PTPRT: variants seen among roughly 807,000 people sequenced by gnomAD.
The protein encoded by PTPRT is protein tyrosine phosphatase receptor type T, also known as receptor-type tyrosine-protein phosphatase T.
In PTPRT, 56 loss-of-function variants were observed where a neutral mutation model predicts 176.8. The ratio of observed to expected loss-of-function variants is 0.32; its 90% CI spans 0.26 to 0.40. PTPRT has a LOEUF of 0.40. PTPRT is among the 10% of genes least tolerant of loss of function. The probability of loss-of-function intolerance (pLI) is 1.00; values close to 1 mark genes in which losing one functional copy is unlikely to be tolerated. For synonymous variants in PTPRT, 783 were observed against 739.0 expected (o/e 1.06, Z -0.96); for missense variants, 1,540 against 1,908.2 (o/e 0.81, Z 3.60).
At chr20:42,748,786 G>A (rs2076727072) in intron 6 of PTPRT, among the ~76,000 whole-genome samples, 1 of 151,980 alleles carries the variant, frequency 6.6e-6, no homozygotes, top group Non-Finnish European at 1.5e-5. Context: ...CTCAACCAAT[G>A]ACTGGAGGGG....
Position 42,690,090 on chromosome 20 carries a change from C to G in PTPRT, c.860-11931G>C, listed in dbSNP as rs533180706. ...AAGGAAAAGGAGAGTCTAACAGGCACAAGGGTGGGGTTATTCACAAAGACA... is the reference window on the plus strand; with the variant it reads ...AAGGAAAAGGAGAGTCTAACAGGCAGAAGGGTGGGGTTATTCACAAAGACA... On this transcript the variant is annotated intron_variant, in intron 6 of 30. Transcript: ENST00000373187. 2.6e-5 allele frequency among the ~76,000 whole-genome samples: 4 copies of G among 151,954 alleles called. No homozygotes were observed. In the South Asian group the frequency reaches 8.4e-4, roughly 32 times the overall value.
In PTPRT at chr20:42,315,813, G is replaced by A. The variant is rs367646009; in HGVS notation, c.2049C>T (p.Asp683=). 1 of 1,613,922 alleles carries A rather than the reference G, an allele frequency of 6.2e-7. No individual in the cohort carries two copies. The highest frequency in any genetic ancestry group is 1.3e-5 in the African/African-American group (1 of 74,894). ...LPVTQPFTVG[D]NKTYNGYWNP... Reference sequence around the variant, plus strand: ...TCCAGTAGCCATTGTATGTCTTATTGTCACCCACTGTAAATGGCTGGGTGA... The same window carrying A: ...TCCAGTAGCCATTGTATGTCTTATTATCACCCACTGTAAATGGCTGGGTGA... Residue 683 remains aspartate, a synonymous_variant, in exon 12 of 31, where the codon GAC becomes GAT. Transcript: ENST00000373187.
intron 16 of PTPRT, among the ~76,000 whole-genome samples, chr20:42,191,661 G>A (rs1004107957): frequency 6.6e-6 from 1 of 152,232 alleles, no homozygotes; most frequent in Non-Finnish European, 1.5e-5. Flanking sequence ...GGGTGTGGGT[G>A]CTGCAGGAAG....
rs79972306 is a variant in PTPRT, at chr20:42,867,020, C to T, written c.214+18787G>A. Among the ~76,000 whole-genome samples the T allele has an allele frequency of 7.6e-3, 1,156 of 152,288 alleles. 12 individuals are homozygous for T. The highest frequency in any genetic ancestry group is 0.026 in the African/African-American group (1,098 of 41,554). The stretch of plus-strand genomic sequence containing the variant: ...TACTAATGTCATCACTGTCATCCTA[C>T]CATGTAAGGACTACTTGTTATTCTC... On this transcript the variant is annotated intron_variant, in intron 2 of 30. Coordinates refer to ENST00000373187, the MANE Select transcript of PTPRT (RefSeq NM_007050.6).
intron 1 of PTPRT, among the ~76,000 whole-genome samples, chr20:43,085,725 G>A (rs761962979): frequency 6.6e-6 from 1 of 152,102 alleles, no homozygotes; most frequent in Non-Finnish European, 1.5e-5. Flanking sequence ...CCTCCCCCAT[G>A]ATTCAATTAC....
In PTPRT at chr20:42,541,315, T is replaced by C. The variant is rs113839062; in HGVS notation, c.1154-68753A>G. Among the ~76,000 whole-genome samples, 567 of 148,878 alleles carry C rather than the reference T, an allele frequency of 3.8e-3. 4 individuals carry two copies. Among genetic ancestry groups the C allele is most frequent in the African/African-American group, 0.014 (524 of 38,342 alleles). On this transcript the variant is annotated intron_variant, in intron 7 of 30. Transcript: ENST00000373187. ...GGTGAAGGTGGGTGTTGGGGGTAGATTAGCTATCTATGATATTCAAGCATA... is the reference window on the plus strand; with the variant it reads ...GGTGAAGGTGGGTGTTGGGGGTAGACTAGCTATCTATGATATTCAAGCATA...
chr20:42,619,122 T>C (rs1274745038), intron 7 of PTPRT, among the ~76,000 whole-genome samples: 1 of 150,962 alleles, frequency 6.6e-6, no homozygotes, highest in East Asian at 1.9e-4. Flanking sequence ...AGGAGCTCTT[T>C]TAGGGCAGGC....
intron 2 of PTPRT, among the ~76,000 whole-genome samples, chr20:42,813,641 G>C (rs929085078): frequency 6.6e-6 from 1 of 151,992 alleles, no homozygotes; most frequent in Non-Finnish European, 1.5e-5. Flanking sequence ...ACCATATCAG[G>C]GAAGTTTGTT....
intron 16 of PTPRT, among the ~76,000 whole-genome samples, chr20:42,182,865 C>G (rs1007869322): frequency 6.6e-6 from 1 of 151,380 alleles, no homozygotes; most frequent in African/African-American, 2.4e-5. Context: ...GAGAGTTGGC[C>G]ATACCCGTTG....
intron 6 of PTPRT, among the ~76,000 whole-genome samples, chr20:42,727,161 T>C (rs1290080146): frequency 6.6e-6 from 1 of 152,172 alleles, no homozygotes; most frequent in Non-Finnish European, 1.5e-5. Flanking sequence ...CAGATGGCCT[T>C]GTGCCTGTCT....
At chr20:42,304,414 C>T (rs1360213285) in intron 12 of PTPRT, among the ~76,000 whole-genome samples, 2 of 152,014 alleles carry the variant, frequency 1.3e-5, no homozygotes, top group Non-Finnish European at 2.9e-5. Flanking sequence ...TTATTGCATG[C>T]CAAGCCCCGT....
chr20:42,115,373 C>T (rs553722823), intron 21 of PTPRT, 58 bp from the exon 22 acceptor site: 162 of 1,298,652 alleles, frequency 1.2e-4, no homozygotes, highest in Admixed American at 1.1e-3. Context: ...TGCATAAGCA[C>T]ATGGCTGAGT....
At chr20:42,416,855 T>A (rs918995869) in intron 9 of PTPRT, among the ~76,000 whole-genome samples, 84 of 152,156 alleles carry the variant, frequency 5.5e-4, no homozygotes, top group South Asian at 8.3e-4. Flanking sequence ...TCAGATTGTA[T>A]CTACAATATA....
At chr20:42,574,681 G>T (rs971074905) in intron 7 of PTPRT, among the ~76,000 whole-genome samples, 4 of 152,096 alleles carry the variant, frequency 2.6e-5, no homozygotes, top group African/African-American at 9.7e-5. Flanking sequence ...TGGGGTGGGG[G>T]TAGGGGTTGG....
At chr20:42,561,018 G>A (rs2072943436) in intron 7 of PTPRT, among the ~76,000 whole-genome samples, 1 of 152,192 alleles carries the variant, frequency 6.6e-6, no homozygotes. Flanking sequence ...GGAGGCCTCT[G>A]AATTGGCACC....
intron 6 of PTPRT, among the ~76,000 whole-genome samples, chr20:42,715,926 G>A (rs1362212421): frequency 6.6e-6 from 1 of 152,232 alleles, no homozygotes; most frequent in East Asian, 1.9e-4. Flanking sequence ...AAGAGTCCAT[G>A]TGCAAATCCA....
At chr20:42,453,861 G>A (rs2070876054) in intron 8 of PTPRT, among the ~76,000 whole-genome samples, 2 of 150,310 alleles carry the variant, frequency 1.3e-5, no homozygotes, top group Non-Finnish European at 3.0e-5. Context: ...TTGAGACCCG[G>A]CTAATTTTTG....
intron 7 of PTPRT, among the ~76,000 whole-genome samples, chr20:42,486,393 T>C (rs1020685512): frequency 6.6e-6 from 1 of 152,224 alleles, no homozygotes; most frequent in Non-Finnish European, 1.5e-5. Flanking sequence ...TCTTCCTCCA[T>C]CTGCAAATAG....
At chr20:42,433,799 C>G (rs760198583) in intron 9 of PTPRT, among the ~76,000 whole-genome samples, 1 of 152,138 alleles carries the variant, frequency 6.6e-6, no homozygotes, top group African/African-American at 2.4e-5. Context: ...ATCAATGGAA[C>G]GCATGTGAAT....
Sources: allele counts gnomAD v4.1 joint callset (sites outside exome capture counted in the v4.1 genomes callset), GRCh38; gene constraint gnomAD v4.1.1; transcripts MANE v1.5; gene names NCBI Gene and HGNC (gene_info 2026-07-23, HGNC 2026-07-21).